Variants in CELF5 observed in about 807,000 individuals in gnomAD.
CELF5 encodes CUG-BP and ETR-3 like factor 5.
In CELF5, 6 loss-of-function variants were observed where a neutral mutation model predicts 54.9. That is an observed-to-expected ratio of 0.11 (90% CI 0.06 to 0.22). CELF5 has a LOEUF of 0.22. Ranked by LOEUF, CELF5 falls within the 10% of genes least tolerant of loss-of-function variation. The pLI is 1.00. For synonymous variants in CELF5, 271 were observed against 290.9 expected (o/e 0.93, Z 0.70); for missense variants, 401 against 678.6 (o/e 0.59, Z 4.54).
rs541092318 is a variant in CELF5 at position 3,249,632 on chromosome 19, T to C, written c.260-1353T>C. Among the ~76,000 whole-genome samples the C allele has an allele frequency of 1.2e-3, 179 of 152,294 alleles. 1 individual carries two copies. The highest frequency in any genetic ancestry group is 4.2e-3 in the African/African-American group (176 of 41,578). On this transcript the variant is annotated intron_variant, in intron 1 of 12. Coordinates refer to ENST00000292672, the MANE Select transcript of CELF5 (RefSeq NM_021938.4). ...GCCTCACTCTGGGCCACTCCGGGGC[T>C]GGCCCCGCCCCTCACCTCTCCTGAT... is the stretch of plus-strand genomic sequence containing the variant.
At chr19:3,235,750 AT>A (rs1917561165) in intron 1 of CELF5, among the ~76,000 whole-genome samples, 1 of 118,044 alleles carries the variant, frequency 8.5e-6, no homozygotes, top group Non-Finnish European at 1.8e-5. Context: ...GGATGGATGG[AT>A]GGATGTGTGG....
At chr19:3,285,009 C>G in intron 9 of CELF5, 45 bp downstream of exon 9, 2 of 1,462,542 alleles carry the variant, frequency 1.4e-6, no homozygotes, top group Non-Finnish European at 1.9e-6. Context: ...GGCCCCGCCC[C>G]CGCCTAGGGC....
intron 10 of CELF5, 44 bp downstream of exon 10, chr19:3,286,069 G>T (rs1302655840): frequency 2.7e-6 from 4 of 1,470,942 alleles, no homozygotes. Flanking sequence ...CCCGCCCTCT[G>T]CCCGCCCTGT....
At chr19:3,241,231 G>A (rs1162692248) in intron 1 of CELF5, among the ~76,000 whole-genome samples, 1 of 151,364 alleles carries the variant, frequency 6.6e-6, no homozygotes, top group Non-Finnish European at 1.5e-5. Flanking sequence ...ACAAGCCACC[G>A]CGCCCAGCTA....
intron 2 of CELF5, among the ~76,000 whole-genome samples, chr19:3,269,018 G>T (rs1448973021): frequency 6.6e-6 from 1 of 152,112 alleles, no homozygotes; most frequent in Non-Finnish European, 1.5e-5. Flanking sequence ...GCAGCGTTTA[G>T]AGCAGGGGAG....
chr19:3,235,670 ATGGATGGATGTGTGGATGGG>A (rs1290994835), intron 1 of CELF5, among the ~76,000 whole-genome samples: 43 of 98,812 alleles, frequency 4.4e-4, no homozygotes, highest in African/African-American at 1.2e-3. Flanking sequence ...GGATGGATGG[ATGGATGGATGTGTGGATGGG>A]TGGATGGATG....
chr19:3,265,853 C>T (rs1438682362), intron 2 of CELF5, among the ~76,000 whole-genome samples: 3 of 151,946 alleles, frequency 2.0e-5, no homozygotes, highest in Non-Finnish European at 4.4e-5. Flanking sequence ...GTCATCCAGG[C>T]CAGAGTGTGA....
At chr19:3,293,249 G>T in intron 11 of CELF5, 70 bp from the exon 12 acceptor site, 1 of 1,590,344 alleles carries the variant, frequency 6.3e-7, no homozygotes, top group Admixed American at 1.7e-5. Flanking sequence ...GGGAAGCCAG[G>T]GCCACAGCAT....
At chr19:3,290,011 C>T (rs1408992613) in intron 10 of CELF5, among the ~76,000 whole-genome samples, 1 of 151,926 alleles carries the variant, frequency 6.6e-6, no homozygotes, top group Non-Finnish European at 1.5e-5. Flanking sequence ...CATTTTGGTG[C>T]GGAGTAGCCC....
chr19:3,254,511 T>C (rs2079693852), intron 2 of CELF5, among the ~76,000 whole-genome samples: 1 of 149,704 alleles, frequency 6.7e-6, no homozygotes, highest in African/African-American at 2.5e-5. Flanking sequence ...TGATTTACCC[T>C]TTCATCCATC....
intron 2 of CELF5, among the ~76,000 whole-genome samples, chr19:3,258,393 A>G (rs1319322222): frequency 6.6e-6 from 1 of 151,802 alleles, no homozygotes; most frequent in Non-Finnish European, 1.5e-5. Flanking sequence ...AAGTGCTGGG[A>G]TTACAGGCAT....
At chr19:3,242,782 G>A (rs534800742) in intron 1 of CELF5, among the ~76,000 whole-genome samples, 14 of 152,096 alleles carry the variant, frequency 9.2e-5, no homozygotes, top group African/African-American at 3.1e-4. Flanking sequence ...CTCCAGCCTG[G>A]GCAACAGAGC....
chr19:3,292,908 CAAAA>C (rs918785328), intron 11 of CELF5, among the ~76,000 whole-genome samples: 7 of 151,140 alleles, frequency 4.6e-5, no homozygotes. Flanking sequence ...CTCCCTTCTG[CAAAA>C]AAAAGAGAGA....
At chr19:3,259,918 T>A (rs1328030957) in intron 2 of CELF5, among the ~76,000 whole-genome samples, 1 of 152,026 alleles carries the variant, frequency 6.6e-6, no homozygotes, top group Non-Finnish European at 1.5e-5. Flanking sequence ...CCTAGGAAGA[T>A]AAGGAGCAAG....
intron 1 of CELF5, among the ~76,000 whole-genome samples, chr19:3,234,501 G>A (rs1373812226): frequency 1.3e-5 from 2 of 152,086 alleles, no homozygotes; most frequent in Non-Finnish European, 1.5e-5. Context: ...GAGTGGTGTC[G>A]AGTGGGTGGA....
intron 4 of CELF5, among the ~76,000 whole-genome samples, chr19:3,276,280 T>A (rs1187754706): frequency 2.2e-5 from 3 of 136,194 alleles, no homozygotes; most frequent in Non-Finnish European, 4.8e-5. Flanking sequence ...GGGGTGGGGC[T>A]TCTCCAAAGG....
At chr19:3,225,030 C>G in intron 1 of CELF5, 32 bp downstream of exon 1, 1 of 1,341,228 alleles carries the variant, frequency 7.5e-7, no homozygotes, top group South Asian at 1.4e-5. Context: ...CCCTCTCCCC[C>G]TCCCTCCGCC....
rs908549228 is a variant in CELF5, at chr19:3,281,039, T to C, written c.604-160T>C. Among the ~76,000 whole-genome samples the C allele has an allele frequency of 3.9e-5, 6 of 152,204 alleles. No homozygotes were observed. The highest frequency in any genetic ancestry group is 8.8e-5 in the Non-Finnish European group (6 of 68,026). On this transcript the variant is annotated intron_variant, in intron 5 of 12. Coordinates refer to ENST00000292672, the MANE Select transcript of CELF5 (RefSeq NM_021938.4). The surrounding 1 kb of genome is among the most constrained non-coding windows in gnomAD (Gnocchi z 6.5). Reference sequence around the variant, plus strand: ...ATGCTGATCTCCACGCGGTCCTCGCTGTGGCCCTGGCTCCTGGGGTGGGGG... The same window carrying C: ...ATGCTGATCTCCACGCGGTCCTCGCCGTGGCCCTGGCTCCTGGGGTGGGGG...
rs2080101295 is a variant in CELF5, at chr19:3,278,841, T to G, written c.603+731T>G. Among the ~76,000 whole-genome samples the G allele has an allele frequency of 6.6e-6, 1 of 151,774 alleles. No individual in the cohort carries two copies. Among genetic ancestry groups the G allele is most frequent in the Non-Finnish European group, 1.5e-5 (1 of 67,998 alleles). ...TACATGTAAGGGTATCCTAAGGGGA[T>G]GACACCTGGGTTGGATTTGCTGAGG... On this transcript the variant is annotated intron_variant, in intron 5 of 12. Transcript: ENST00000292672. The surrounding 1 kb of genome is among the most constrained non-coding windows in gnomAD (Gnocchi z 4.5).
Sources: allele counts gnomAD v4.1 joint callset (sites outside exome capture counted in the v4.1 genomes callset), GRCh38; gene constraint gnomAD v4.1.1; non-coding constraint Gnocchi (gnomAD v3.1); transcripts MANE v1.5; gene names NCBI Gene and HGNC (gene_info 2026-07-23, HGNC 2026-07-21).